TTC21A: variants seen among roughly 807,000 people sequenced by gnomAD.
TTC21A encodes the protein tetratricopeptide repeat domain 21A, also known as tetratricopeptide repeat protein 21A.
A neutral mutation model predicts 156.4 loss-of-function variants in TTC21A; 128 were observed. The ratio of observed to expected loss-of-function variants is 0.82; its 90% CI spans 0.71 to 0.95. The LOEUF is 0.95. Among genes scored for constraint, TTC21A ranks in the 40% least tolerant of loss-of-function variants. TTC21A has a pLI of 0.00. For missense variants in TTC21A, 1,435 were observed against 1,602.3 expected, an observed-to-expected ratio of 0.90 and a Z score of 1.78; for synonymous variants, 587 against 617.1, an observed-to-expected ratio of 0.95 and a Z score of 0.72.
At chr3:39,108,170 C>A (rs1464445656) in intron 1 of TTC21A, 4 of 563,038 alleles carry the variant, frequency 7.1e-6, no homozygotes, top group Non-Finnish European at 1.3e-5. Context: ...GCCTCCCACC[C>A]CAGTTGATGG....
At chr3:39,115,951 C>G (rs2037257018) in intron 6 of TTC21A, among the ~76,000 whole-genome samples, 1 of 152,248 alleles carries the variant, frequency 6.6e-6, no homozygotes, top group Admixed American at 6.5e-5. Flanking sequence ...TCAAACTTAT[C>G]TCTACCCTGC....
chr3:39,137,429 G>T, intron 25 of TTC21A, 42 bp downstream of exon 25: 1 of 1,610,958 alleles, frequency 6.2e-7, no homozygotes, highest in Non-Finnish European at 8.5e-7. Context: ...AGGTGGCAGG[G>T]CCGAGAAGAC....
At chr3:39,110,445 G>C (rs1201350334) in intron 3 of TTC21A, 2 of 524,850 alleles carry the variant, frequency 3.8e-6, no homozygotes, top group African/African-American at 3.8e-5. Flanking sequence ...GAAAAACCAA[G>C]CCAATATATA....
Position 39,133,202 on chromosome 3 carries a change from T to G in TTC21A, c.2713T>G (p.Tyr905Asp). The change falls in exon 20 of 29, where the codon TAT becomes GAT. Residue 905 changes from tyrosine (Y) to aspartate (D), a missense_variant. Coordinates refer to ENST00000683103, the MANE Select transcript of TTC21A (RefSeq NM_001366900.1). ...EKEYDKAVQS[Y>D]KDVFSYLPTD... The stretch of plus-strand genomic sequence containing the variant: ...AGAGTATGACAAGGCGGTACAGTCT[T>G]ATAAGGATGTCTTCTCCTACTTGCC... 1 of 1,614,022 alleles carries G rather than the reference T, an allele frequency of 6.2e-7. No homozygotes were observed. Among genetic ancestry groups the G allele is most frequent in the Non-Finnish European group, 8.5e-7 (1 of 1,179,966 alleles).
At chr3:39,126,645 ACACACG>A (rs2038292150) in intron 12 of TTC21A, among the ~76,000 whole-genome samples, 1 of 150,036 alleles carries the variant, frequency 6.7e-6, no homozygotes, top group East Asian at 2.0e-4. Context: ...ACACACACAC[ACACACG>A]TATGCACACA....
At chr3:39,131,684 A>G (rs2125848271) in intron 19 of TTC21A, 1 of 152,806 alleles carries the variant, frequency 6.5e-6, no homozygotes, top group African/African-American at 2.4e-5. Flanking sequence ...GGAACTCTCT[A>G]AAGAGTGCAG....
chr3:39,130,674 A>G lies in TTC21A; in HGVS notation c.2320-27A>G. Reference sequence around the variant, plus strand: ...GCACTGAAGGGCAGAACCAGGCCAGAGGCTAATATTTACTGTTTGCACTAA... The same window carrying G: ...GCACTGAAGGGCAGAACCAGGCCAGGGGCTAATATTTACTGTTTGCACTAA... On this transcript the variant is annotated intron_variant, in intron 17 of 28. Transcript: ENST00000683103. This position sits in a 1 kb window ranked among gnomAD's most constrained non-coding sequence, Gnocchi z 4.5. 6.2e-7 allele frequency: 1 copy of G among 1,612,646 alleles called. No homozygotes were observed. The highest frequency in any genetic ancestry group is 1.1e-5 in the South Asian group (1 of 90,982).
At chr3:39,117,556 A>T (rs926201986) in intron 6 of TTC21A, among the ~76,000 whole-genome samples, 8 of 152,202 alleles carry the variant, frequency 5.3e-5, no homozygotes, top group African/African-American at 1.9e-4. Flanking sequence ...CACCATGGTC[A>T]TGTCTGGTTA....
chr3:39,125,182 G>A, intron 10 of TTC21A, 22 bp downstream of exon 10: 2 of 1,585,684 alleles, frequency 1.3e-6, no homozygotes, highest in Non-Finnish European at 1.7e-6. Context: ...CTGGGGGTAT[G>A]GGTTGCTCCA....
chr3:39,124,201 TAA>T (rs1190165015), intron 9 of TTC21A, among the ~76,000 whole-genome samples: 3 of 152,096 alleles, frequency 2.0e-5, no homozygotes, highest in African/African-American at 7.2e-5. Context: ...ATACCAAAAA[TAA>T]AGTAAATGTG....
Position 39,130,182 on chromosome 3 carries a change from T to C in TTC21A, c.2208+31T>C, listed in dbSNP as rs370257540. On this transcript the variant is annotated intron_variant, in intron 16 of 28. Coordinates refer to ENST00000683103, the MANE Select transcript of TTC21A (RefSeq NM_001366900.1). This position sits in a 1 kb window ranked among gnomAD's most constrained non-coding sequence, Gnocchi z 4.5. ...TGAGAGGCCTCACAGCCTTGCCAAG[T>C]GGCCCCCCAGTCTCCCTTCTCCAGT... is the stretch of plus-strand genomic sequence containing the variant. The C allele has an allele frequency of 8.6e-5, 139 of 1,612,674 alleles. No homozygotes were observed. In the African/African-American group the frequency reaches 1.7e-3, roughly 20 times the overall value.
At chr3:39,114,532 C>G in intron 5 of TTC21A, 53 bp from the exon 6 acceptor site, 2 of 1,588,030 alleles carry the variant, frequency 1.3e-6, no homozygotes, top group Non-Finnish European at 1.7e-6. Flanking sequence ...CTCCAGCAAA[C>G]TCCCTTCATG....
rs2037128641 is a variant in TTC21A, at chr3:39,114,680, C to T, written c.654C>T (p.Val218=). ...CAGGGAGCTTCCTGCCAGCCCTCGT[C>T]CTGAAGATGCAGCTGTTCTTAGCTC... ...VTSGSFLPAL[V]LKMQLFLARQ... is the part of the protein sequence containing the mutation. The change falls in exon 6 of 29, where the codon GTC becomes GTT. Residue 218 remains valine (V), a synonymous_variant. Transcript: ENST00000683103. 4 of 1,614,210 alleles carry T rather than the reference C, an allele frequency of 2.5e-6. No homozygotes were observed. The East Asian group carries it at 8.9e-5, about 36-fold the overall frequency.
rs1257165628 is a variant in TTC21A at position 39,137,813 on chromosome 3, G to T, written c.3675+103G>T. On this transcript the variant is annotated intron_variant, in intron 26 of 28. Transcript: ENST00000683103. ...TGCAGGTAGAGGCCATATGGAATAA[G>T]AACTAGTCGGGAAGAGGCAGGCTGA... The T allele has an allele frequency of 1.3e-5, 16 of 1,262,324 alleles. No individual in the cohort carries two copies. In the East Asian group the frequency reaches 4.1e-4, roughly 32 times the overall value. The allele number at this position is 1,262,324 out of a possible 1,614,324, so 78.2% of individuals were successfully genotyped here.
At chr3:39,127,975 T>G (rs1446363587) in intron 12 of TTC21A, among the ~76,000 whole-genome samples, 1 of 152,238 alleles carries the variant, frequency 6.6e-6, no homozygotes, top group Non-Finnish European at 1.5e-5. Flanking sequence ...CTATTATAGT[T>G]GCTGTTACTA....
At chr3:39,117,791 A>T (rs1211758785) in intron 6 of TTC21A, among the ~76,000 whole-genome samples, 1 of 152,140 alleles carries the variant, frequency 6.6e-6, no homozygotes, top group Non-Finnish European at 1.5e-5. Flanking sequence ...AAGGGGGGAA[A>T]GGGAAGGCAT....
chr3:39,128,408 A>C lies in TTC21A; in HGVS notation c.1600A>C (p.Met534Leu). The C allele has an allele frequency of 6.2e-7, 1 of 1,614,144 alleles. No individual in the cohort carries two copies. Among genetic ancestry groups the C allele is most frequent in the Non-Finnish European group, 8.5e-7 (1 of 1,180,026 alleles). Residue 534 changes from methionine to leucine, a missense_variant, in exon 13 of 29, where the codon ATG (methionine) becomes CTG (leucine). Coordinates refer to ENST00000683103, the MANE Select transcript of TTC21A (RefSeq NM_001366900.1). ...CGCCTCCGTGGATGCCCATCTCCTC[A>C]TGTGTCAGATCTACTTGGCTCAGGG... The part of the protein sequence containing the change: ...DPASVDAHLL[M>L]CQIYLAQGNF...
intron 1 of TTC21A, 135 bp from the exon 2 acceptor site, chr3:39,108,950 G>C (rs1208652884): frequency 1.0e-6 from 1 of 1,000,564 alleles, no homozygotes; most frequent in Middle Eastern, 2.4e-4. Context: ...AGGCCTGAAT[G>C]TTTCCTCTTT....
rs757606198 is a variant in TTC21A, at chr3:39,128,385, C to A, written c.1577C>A (p.Ala526Asp). The A allele has an allele frequency of 6.2e-6, 10 of 1,614,202 alleles. No homozygotes were observed. Among genetic ancestry groups the A allele is most frequent in the Non-Finnish European group, 8.5e-6 (10 of 1,180,040 alleles). ...CAGCGTTGCCTGGAGCTGGACCCCG[C>A]CTCCGTGGATGCCCATCTCCTCATG... ...ILQRCLELDP[A>D]SVDAHLLMCQ... The change falls in exon 13 of 29, where the codon GCC becomes GAC. Residue 526 changes from alanine (A) to aspartate (D), a missense_variant. Ala to Asp is a moderately radical substitution (Grantham distance 126, BLOSUM62 -2). Transcript: ENST00000683103.
Sources: gnomAD v4.1 joint callset for allele counts (sites outside exome capture counted in the v4.1 genomes callset) on GRCh38, gnomAD v4.1.1 for gene constraint, Gnocchi (gnomAD v3.1) non-coding constraint, MANE v1.5 for transcripts, NCBI Gene and HGNC (gene_info 2026-07-23, HGNC 2026-07-21) for gene names.